The following TEX2 variants were observed in gnomAD, a reference collection of about 807,000 sequenced individuals.
TEX2 encodes the protein testis-expressed protein 2.
In TEX2, 53 loss-of-function variants were observed where a neutral mutation model predicts 106.9. The observed-to-expected ratio is 0.50, with a 90% CI of 0.40 to 0.62. The LOEUF is 0.62. TEX2 is among the 20% of genes least tolerant of loss of function. The probability of loss-of-function intolerance (pLI) is 0.00; values close to 1 mark genes in which losing one functional copy is unlikely to be tolerated. For missense variants in TEX2, 1,207 were observed against 1,379.0 expected (o/e 0.88, Z 1.98); for synonymous variants, 523 against 534.8 (o/e 0.98, Z 0.30).
rs1224769969 is a variant in TEX2, at chr17:64,212,653, T to C, written c.1565A>G (p.His522Arg). 3.1e-6 allele frequency: 5 copies of C among 1,614,076 alleles called. No individual in the cohort carries two copies. Among genetic ancestry groups the C allele is most frequent in the East Asian group, 4.5e-5 (2 of 44,902 alleles). ...VIWFFTPPSA[H>R]KYHKLHKNLR... ...ATTTTTGTGTAACTTGTGATATTTA[T>C]GAGCACTTGGTGGTGTAAAAAACCA... The change falls in exon 2 of 12, where the codon CAT (histidine) becomes CGT (arginine). Residue 522 changes from histidine to arginine, a missense_variant. Transcript: ENST00000584379.
chr17:64,221,198 T>C (rs2033349582), intron 1 of TEX2, among the ~76,000 whole-genome samples: 1 of 152,036 alleles, frequency 6.6e-6, no homozygotes, highest in Non-Finnish European at 1.5e-5. Context: ...CTGGGGCCTG[T>C]CAGGGGGCAG....
At chr17:64,187,306 A>G (rs543026186) in intron 5 of TEX2, among the ~76,000 whole-genome samples, 19 of 152,302 alleles carry the variant, frequency 1.2e-4, no homozygotes, top group African/African-American at 4.6e-4. Context: ...ATGGTTTTGG[A>G]GGAATGAGAC....
rs552915838 is a variant in TEX2 at position 64,244,852 on chromosome 17, CCCCCCAA to C, written c.-26+18309_-26+18315del. Among the ~76,000 whole-genome samples the C allele has an allele frequency of 4.6e-5, 7 of 152,234 alleles. No homozygotes were observed. In the East Asian group the frequency reaches 1.4e-3, roughly 29 times the overall value. On this transcript the variant is annotated intron_variant, in intron 1 of 11. Coordinates refer to ENST00000584379, the MANE Select transcript of TEX2 (RefSeq NM_001288732.2). ...ATACAAATTACATGAACTCTCTACT[CCCCCCAA>C]CCCTGGCTGCTGGACCTGTTGTGAT...
intron 1 of TEX2, among the ~76,000 whole-genome samples, chr17:64,223,482 G>A (rs148890069): frequency 3.3e-5 from 5 of 149,268 alleles, no homozygotes; most frequent in East Asian, 2.0e-4. Flanking sequence ...CAGATGGTTC[G>A]TTCCAGGCCA....
Position 64,188,418 on chromosome 17 carries a change from G to A in TEX2, c.2177-3C>T, listed in dbSNP as rs748990694. On this transcript the variant is annotated splice_polypyrimidine_tract_variant and splice_region_variant and intron_variant, in intron 4 of 11. Coordinates refer to ENST00000584379, the MANE Select transcript of TEX2 (RefSeq NM_001288732.2). The stretch of plus-strand genomic sequence containing the variant: ...TCTGCTGTGTGCAGGCAAAAGCCCT[G>A]GAGCCAAGAAGACGGGGGCTATTCA... The A allele has an allele frequency of 6.2e-7, 1 of 1,614,118 alleles. No individual in the cohort carries two copies. The highest frequency in any genetic ancestry group is 1.1e-5 in the South Asian group (1 of 91,086).
chr17:64,203,555 C>T (rs916415415), intron 2 of TEX2, among the ~76,000 whole-genome samples: 1 of 152,152 alleles, frequency 6.6e-6, no homozygotes, highest in African/African-American at 2.4e-5. Context: ...CACCATAGAT[C>T]ATGGAGTTTG....
chr17:64,208,056 C>G (rs1490016561), intron 2 of TEX2, among the ~76,000 whole-genome samples: 2 of 151,920 alleles, frequency 1.3e-5, no homozygotes, highest in Admixed American at 6.5e-5. Flanking sequence ...TCTACTACTC[C>G]CTTTGCATTC....
At chr17:64,155,001 C>T in intron 8 of TEX2, 34 bp from the exon 9 acceptor site, 3 of 1,526,328 alleles carry the variant, frequency 2.0e-6, no homozygotes, top group Non-Finnish European at 2.6e-6. Context: ...CACTGCCTGC[C>T]CTCACCCAAG....
At chr17:64,258,435 CT>C (rs1567973531) in intron 1 of TEX2, among the ~76,000 whole-genome samples, 1 of 151,708 alleles carries the variant, frequency 6.6e-6, no homozygotes, top group Non-Finnish European at 1.5e-5. Flanking sequence ...GTTATTTAAC[CT>C]TTCTGAGCCT....
chr17:64,257,285 C>G (rs1325126560), intron 1 of TEX2, among the ~76,000 whole-genome samples: 1 of 152,184 alleles, frequency 6.6e-6, no homozygotes, highest in Non-Finnish European at 1.5e-5. Flanking sequence ...TCTCAATAGT[C>G]CCATTTATGC....
chr17:64,172,959 T>A (rs2031472890), intron 6 of TEX2, among the ~76,000 whole-genome samples: 2 of 152,220 alleles, frequency 1.3e-5, no homozygotes, highest in African/African-American at 4.8e-5. Context: ...CTTGGATTTG[T>A]GGATGTATAT....
rs2143988762 is a variant in TEX2, at chr17:64,205,550, C to A, written c.1644+7024G>T. 6.6e-6 allele frequency among the ~76,000 whole-genome samples: 1 copy of A among 152,182 alleles called. No homozygotes were observed. The highest frequency in any genetic ancestry group is 2.4e-5 in the African/African-American group (1 of 41,516). On this transcript the variant is annotated intron_variant, in intron 2 of 11. Transcript: ENST00000584379. The surrounding 1 kb of genome is among the most constrained non-coding windows in gnomAD (Gnocchi z 4.0). ...GTCTCTTTGGGCTGCATGTAATGGC[C>A]ATTTTCTCCTAAAGACTTGCTTACT...
chr17:64,260,038 G>T (rs1354798002), intron 1 of TEX2, among the ~76,000 whole-genome samples: 1 of 152,204 alleles, frequency 6.6e-6, no homozygotes, highest in African/African-American at 2.4e-5. Context: ...TAAGGTCACA[G>T]AGCTGGTAAG....
At chr17:64,261,701 G>A (rs891700371) in intron 1 of TEX2, among the ~76,000 whole-genome samples, 10 of 152,000 alleles carry the variant, frequency 6.6e-5, no homozygotes, top group African/African-American at 2.4e-4. Context: ...CTCCCTCCAA[G>A]CCTTCACACT....
At chr17:64,230,792 A>C (rs2143307511) in intron 1 of TEX2, 1 of 152,266 alleles carries the variant, frequency 6.6e-6, no homozygotes, top group South Asian at 2.1e-4. Flanking sequence ...AAATTCTAAG[A>C]GTCTATGACT....
chr17:64,233,435 C>T (rs764474977), intron 1 of TEX2, among the ~76,000 whole-genome samples: 67 of 151,960 alleles, frequency 4.4e-4, no homozygotes, highest in African/African-American at 1.5e-3. Flanking sequence ...TAGCCAGGCG[C>T]GGTGGCAGGC....
In TEX2 at chr17:64,154,854, GGGA is replaced by G; in HGVS notation, c.2915_2917del (p.Leu972del). On this transcript the variant is annotated inframe_deletion, in exon 9 of 12. Transcript: ENST00000584379. The stretch of plus-strand genomic sequence containing the variant: ...CTGATCCACTCACCCTTCAGCCCCT[GGGA>G]GGAGCTGTTTGTCTCCCCCGCTGGG... The G allele has an allele frequency of 2.5e-6, 4 of 1,605,728 alleles. No homozygotes were observed. The highest frequency in any genetic ancestry group is 2.6e-6 in the Non-Finnish European group (3 of 1,176,322).
intron 4 of TEX2, among the ~76,000 whole-genome samples, chr17:64,191,491 C>A (rs1366180146): frequency 2.0e-5 from 3 of 152,092 alleles, no homozygotes; most frequent in Non-Finnish European, 4.4e-5. Context: ...GCCACATAAA[C>A]AATTTTAAAT....
At chr17:64,237,426 G>A (rs540504710) in intron 1 of TEX2, among the ~76,000 whole-genome samples, 1 of 152,254 alleles carries the variant, frequency 6.6e-6, no homozygotes, top group South Asian at 2.1e-4. Flanking sequence ...TCTGGAGACA[G>A]GTATGCAGGT....
Sources: allele counts gnomAD v4.1 joint callset (sites outside exome capture counted in the v4.1 genomes callset), GRCh38; gene constraint gnomAD v4.1.1; non-coding constraint Gnocchi (gnomAD v3.1); transcripts MANE v1.5; gene names NCBI Gene and HGNC (gene_info 2026-07-23, HGNC 2026-07-21).